RIMKLB: variants seen among roughly 807,000 people sequenced by gnomAD.
The protein encoded by RIMKLB is beta-citrylglutamate synthase B.
In RIMKLB, 7 loss-of-function variants were observed where a neutral mutation model predicts 32.0. The observed-to-expected ratio is 0.22, with a 90% CI of 0.12 to 0.41. The LOEUF (loss-of-function observed/expected upper bound fraction) is 0.41, where lower values mean the gene tolerates loss of function less well. Ranked by LOEUF, RIMKLB falls within the 10% of genes least tolerant of loss-of-function variation. The pLI is 1.00. For synonymous variants in RIMKLB, 172 were observed against 185.1 expected, an observed-to-expected ratio of 0.93 and a Z score of 0.57; for missense variants, 289 against 498.7, an observed-to-expected ratio of 0.58 and a Z score of 4.00.
intron 2 of RIMKLB, among the ~76,000 whole-genome samples, chr12:8,737,914 A>C (rs557961000): frequency 1.6e-4 from 24 of 152,084 alleles, no homozygotes; most frequent in Non-Finnish European, 3.2e-4. Context: ...GAGTTTCTCC[A>C]TGTTGGTCAG....
the RIMKLB span, among the ~76,000 whole-genome samples, chr12:8,672,461 G>A: frequency 1.3e-5 from 2 of 152,202 alleles, no homozygotes; most frequent in Non-Finnish European, 2.9e-5. Context: ...TGGCTGGGGA[G>A]ACCTTAGAAT....
At chr12:8,752,604 C>T (rs1405789150) in intron 4 of RIMKLB, among the ~76,000 whole-genome samples, 1 of 152,132 alleles carries the variant, frequency 6.6e-6, no homozygotes, top group African/African-American at 2.4e-5. Context: ...AGTCATTGCC[C>T]TCTAAAGATA....
intron 3 of RIMKLB, among the ~76,000 whole-genome samples, chr12:8,750,764 G>A (rs773303891): frequency 5.3e-5 from 8 of 152,072 alleles, no homozygotes; most frequent in Non-Finnish European, 1.0e-4. Context: ...TAACAGTAGT[G>A]AACAAGTCCT....
chr12:8,699,008 T>C (rs185824831), intron 1 of RIMKLB, among the ~76,000 whole-genome samples: 271 of 152,200 alleles, frequency 1.8e-3, no homozygotes, highest in African/African-American at 6.3e-3. Context: ...CTCCCCTTAT[T>C]AATATGTCCT....
intron 1 of RIMKLB, among the ~76,000 whole-genome samples, chr12:8,704,739 C>T (rs1370433141): frequency 3.3e-5 from 5 of 151,894 alleles, no homozygotes; most frequent in Admixed American, 2.0e-4. Context: ...CCCAGCTATC[C>T]GGGAGACTGA....
At chr12:8,721,950 G>A (rs1457549594) in intron 2 of RIMKLB, among the ~76,000 whole-genome samples, 2 of 152,002 alleles carry the variant, frequency 1.3e-5, no homozygotes, top group African/African-American at 2.4e-5. Context: ...TGCCATGTTG[G>A]CCAGGTTGGT....
At chr12:8,770,118 A>T (rs1196628296) in intron 5 of RIMKLB, among the ~76,000 whole-genome samples, 2 of 151,998 alleles carry the variant, frequency 1.3e-5, no homozygotes, top group Admixed American at 6.6e-5. Context: ...ACCTGCCACC[A>T]CACCCAGCTA....
At chr12:8,706,820 G>A (rs1943922776) in intron 1 of RIMKLB, among the ~76,000 whole-genome samples, 1 of 152,082 alleles carries the variant, frequency 6.6e-6, no homozygotes, top group Non-Finnish European at 1.5e-5. Context: ...GGGATGCCCA[G>A]TAGGCTCATT....
chr12:8,774,013 G>A lies in RIMKLB; in HGVS notation c.*229G>A. ...CAGAATAGGTGGGGTATAGAAAAAT[G>A]TCAGGCTCTCATAGTTACCCTTTTA... On this transcript the variant is annotated 3_prime_UTR_variant, in exon 6 of 6. Transcript: ENST00000535829. 2 of 1,332,138 alleles carry A rather than the reference G, an allele frequency of 1.5e-6. No individual in the cohort carries two copies. Among genetic ancestry groups the A allele is most frequent in the Non-Finnish European group, 1.9e-6 (2 of 1,044,488 alleles). 82.5% of individuals were successfully genotyped at this position (1,332,138 alleles called of 1,614,324 possible).
upstream of RIMKLB, among the ~76,000 whole-genome samples, chr12:8,695,790 T>C (rs781507463): frequency 6.6e-6 from 1 of 150,756 alleles, no homozygotes; most frequent in East Asian, 2.0e-4. Context: ...ACCTCCCAGG[T>C]TCAAGCGATT....
intron 3 of RIMKLB, among the ~76,000 whole-genome samples, chr12:8,750,537 C>T (rs1337401800): frequency 6.6e-6 from 1 of 152,022 alleles, no homozygotes; most frequent in East Asian, 1.9e-4. Flanking sequence ...TTCTTCATTA[C>T]CATTTTGATA....
At chr12:8,759,103 T>TA (rs1007432575) in intron 5 of RIMKLB, among the ~76,000 whole-genome samples, 13 of 152,076 alleles carry the variant, frequency 8.5e-5, no homozygotes, top group Non-Finnish European at 4.4e-5. Flanking sequence ...AATACATATT[T>TA]AAAAAAATGT....
At position 8,749,920 on chromosome 12, in the gene RIMKLB, A is replaced by G; in HGVS notation, c.234A>G (p.Val78=). 6.2e-7 allele frequency: 1 copy of G among 1,613,708 alleles called. No individual in the cohort carries two copies. Among genetic ancestry groups the G allele is most frequent in the Non-Finnish European group, 8.5e-7 (1 of 1,179,692 alleles). ...ACCCACAAGTGGTGGTAGTCAGAGT[A>G]CCAACCCCTTGGGTGCAAAGTGATA... ...TAYPQVVVVR[V]PTPWVQSDSD... is the part of the protein sequence containing the mutation. Residue 78 remains valine (V), a synonymous_variant, in exon 3 of 6, where the codon GTA becomes GTG. Transcript: ENST00000535829.
chr12:8,756,040 G>A (rs914403159), intron 5 of RIMKLB, among the ~76,000 whole-genome samples: 1 of 151,438 alleles, frequency 6.6e-6, no homozygotes. Context: ...GTTTAGTCCC[G>A]GCTACTCTGG....
At chr12:8,704,722 C>A (rs1943697050) in intron 1 of RIMKLB, among the ~76,000 whole-genome samples, 2 of 152,072 alleles carry the variant, frequency 1.3e-5, no homozygotes, top group South Asian at 4.1e-4. Context: ...TGGCTCATGC[C>A]TGTAATCCCA....
upstream of RIMKLB, chr12:8,678,999 A>G (rs1420839171): frequency 6.6e-6 from 1 of 152,076 alleles, no homozygotes; most frequent in East Asian, 1.9e-4. Context: ...CGTTGAAAAA[A>G]CTCATTTGAG....
At chr12:8,695,213 G>T (rs967539896), upstream of RIMKLB, among the ~76,000 whole-genome samples, 1 of 29,738 alleles carries the variant, frequency 3.4e-5, no homozygotes, top group African/African-American at 1.2e-4. Context: ...CGCCCCGCCC[G>T]GCCCCGACAC....
intron 4 of RIMKLB, 129 bp downstream of exon 4, chr12:8,752,172 T>C: frequency 1.6e-6 from 1 of 624,230 alleles, no homozygotes; most frequent in Non-Finnish European, 2.8e-6. Flanking sequence ...AGAAGGCTAC[T>C]ATGAGTTGTT....
At chr12:8,721,291 C>G (rs1945416226) in intron 2 of RIMKLB, among the ~76,000 whole-genome samples, 1 of 152,140 alleles carries the variant, frequency 6.6e-6, no homozygotes. Context: ...TGAAATTTGC[C>G]CCATTGACAT....
Sources: gnomAD v4.1 joint callset for allele counts (sites outside exome capture counted in the v4.1 genomes callset) on GRCh38, gnomAD v4.1.1 for gene constraint, MANE v1.5 for transcripts, NCBI Gene and HGNC (gene_info 2026-07-23, HGNC 2026-07-21) for gene names.